Variants in YBX1 observed in about 807,000 individuals in gnomAD.
YBX1 encodes the protein Y-box binding protein 1.
Under a neutral mutation model 41.4 loss-of-function variants are expected in YBX1, and 3 were observed. The ratio of observed to expected loss-of-function variants is 0.07; its 90% CI spans 0.03 to 0.19. The LOEUF is 0.19. Among genes scored for constraint, YBX1 ranks in the 10% least tolerant of loss-of-function variants. The pLI is 1.00. For missense variants in YBX1, 274 were observed against 462.8 expected, an observed-to-expected ratio of 0.59 and a Z score of 3.74; for synonymous variants, 133 against 165.8, an observed-to-expected ratio of 0.80 and a Z score of 1.52.
rs146181434 is a variant in YBX1, at chr1:42,702,769, C to T, written c.*820C>T. Among the ~76,000 whole-genome samples the T allele has an allele frequency of 6.6e-6, 1 of 152,340 alleles. No homozygotes were observed. Among genetic ancestry groups the T allele is most frequent in the Non-Finnish European group, 1.5e-5 (1 of 68,022 alleles). On this transcript the variant is annotated 3_prime_UTR_variant, in exon 8 of 8. Coordinates refer to ENST00000321358, the MANE Select transcript of YBX1 (RefSeq NM_004559.5). Reference sequence around the variant, plus strand: ...ATTGAAGTGTTAGGACAACCTGTCACACTGCCTGGTGTGGTCATCAAATAT... The same window carrying T: ...ATTGAAGTGTTAGGACAACCTGTCATACTGCCTGGTGTGGTCATCAAATAT...
intron 2 of YBX1, among the ~76,000 whole-genome samples, chr1:42,683,992 C>T (rs546595578): frequency 4.2e-4 from 64 of 152,288 alleles, no homozygotes; most frequent in African/African-American, 1.4e-3. Flanking sequence ...CTTAGCACAG[C>T]TTTGACCAGA....
chr1:42,689,249 T>C (rs919374096), intron 2 of YBX1, among the ~76,000 whole-genome samples: 3 of 151,998 alleles, frequency 2.0e-5, no homozygotes, highest in Non-Finnish European at 4.4e-5. Context: ...GGGTGTTTAA[T>C]AGAGAAGAAA....
chr1:42,682,781 G>A (rs1650069602), intron 1 of YBX1, 50 bp downstream of exon 1: 4 of 1,159,572 alleles, frequency 3.4e-6, no homozygotes, highest in Admixed American at 4.5e-5. Context: ...GCCCAGCAGC[G>A]GAACCGTTAG....
rs373497308 is a variant in YBX1, at chr1:42,696,781, G to A, written c.494G>A (p.Ser165Asn). The A allele has an allele frequency of 6.2e-7, 1 of 1,613,824 alleles. No homozygotes were observed. Among genetic ancestry groups the A allele is most frequent in the Admixed American group, 1.7e-5 (1 of 60,012 alleles). Reference protein sequence around the residue: ...PRNYQQNYQNSESGEKNEGSE... With the variant: ...PRNYQQNYQNNESGEKNEGSE... ...AATTACCAGCAAAATTACCAGAATA[G>A]TGAGAGTGGGGAAAAGAACGAGGGA... The change falls in exon 5 of 8, where the codon AGT (serine) becomes AAT (asparagine). Residue 165 changes from serine to asparagine, a missense_variant. Around this residue, in one of 3 missense-constraint regions of YBX1, gnomAD observed 187 missense variants for 306.3 expected, o/e 0.61. Transcript: ENST00000321358. This position sits in a 1 kb window ranked among gnomAD's most constrained non-coding sequence, Gnocchi z 5.7.
At chr1:42,683,171 A>T (rs1166611180) in intron 1 of YBX1, 1 of 658,516 alleles carries the variant, frequency 1.5e-6, no homozygotes, top group Non-Finnish European at 2.8e-6. Context: ...CTGCGCACAC[A>T]CCCATCCTGG....
intron 6 of YBX1, among the ~76,000 whole-genome samples, 165 bp from the exon 7 acceptor site, chr1:42,700,616 C>G (rs1056612752): frequency 1.5e-5 from 2 of 130,544 alleles, no homozygotes; most frequent in South Asian, 6.0e-4. Context: ...GCATCCCCCC[C>G]CCCCCAAAAA....
chr1:42,691,392 G>C (rs1309858562), intron 2 of YBX1, among the ~76,000 whole-genome samples: 1 of 152,156 alleles, frequency 6.6e-6, no homozygotes, highest in African/African-American at 2.4e-5. Context: ...GTCTTGCTCT[G>C]TTGCGCAGGA....
At chr1:42,693,443 A>G (rs1351497724) in intron 2 of YBX1, 47 bp from the exon 3 acceptor site, 2 of 1,607,532 alleles carry the variant, frequency 1.2e-6, no homozygotes, top group African/African-American at 2.7e-5. Context: ...TGACAACATG[A>G]GATTTATTTC....
intron 2 of YBX1, among the ~76,000 whole-genome samples, chr1:42,685,569 CA>C (rs1650172967): frequency 6.6e-6 from 1 of 152,126 alleles, no homozygotes; most frequent in African/African-American, 2.4e-5. Context: ...TGTAGTGGAA[CA>C]AATAGACTTG....
At chr1:42,700,457 AGACGT>A (rs1402503215) in intron 6 of YBX1, among the ~76,000 whole-genome samples, 1 of 151,958 alleles carries the variant, frequency 6.6e-6, no homozygotes, top group Non-Finnish European at 1.5e-5. Flanking sequence ...GACATTAATG[AGACGT>A]GGGGGGCTTG....
chr1:42,696,589 T>C lies in YBX1; in HGVS notation c.355-53T>C. ...ATGTTCTGATTTCCTTTTGAAAGTG[T>C]TGAAAGTGTTCTGATTTCCTTTGTC... On this transcript the variant is annotated intron_variant, in intron 4 of 7. Transcript: ENST00000321358. The surrounding 1 kb of genome is among the most constrained non-coding windows in gnomAD (Gnocchi z 5.7). 3 of 1,313,188 alleles carry C rather than the reference T, an allele frequency of 2.3e-6. No individual in the cohort carries two copies. The highest frequency in any genetic ancestry group is 3.0e-6 in the Non-Finnish European group (3 of 1,007,802). 81.3% of individuals were successfully genotyped at this position (1,313,188 alleles called of 1,614,324 possible).
chr1:42,701,395 A>G (rs1170792156), intron 7 of YBX1, among the ~76,000 whole-genome samples: 1 of 152,160 alleles, frequency 6.6e-6, no homozygotes, highest in Non-Finnish European at 1.5e-5. Flanking sequence ...GAAATATGTT[A>G]ATTACATTAT....
At chr1:42,701,129 C>T (rs1650590648) in intron 7 of YBX1, 83 bp downstream of exon 7, 1 of 967,390 alleles carries the variant, frequency 1.0e-6, no homozygotes, top group African/African-American at 1.7e-5. Context: ...GTAGAAAAAC[C>T]TCAGTTCCAT....
rs900935815 is a variant in YBX1, at chr1:42,702,871, GTTGGTGAGC to G, written c.*926_*934del. Among the ~76,000 whole-genome samples the G allele has an allele frequency of 1.3e-5, 2 of 152,184 alleles. No individual in the cohort carries two copies. Among genetic ancestry groups the G allele is most frequent in the African/African-American group, 4.8e-5 (2 of 41,444 alleles). Reference sequence around the variant, plus strand: ...GGGAAAGCTGCTTAGGAACATGGAGGTTGGTGAGCTTGTAATTATGTGGTTCTCAACACC... The same window carrying G: ...GGGAAAGCTGCTTAGGAACATGGAGGTTGTAATTATGTGGTTCTCAACACC... On this transcript the variant is annotated 3_prime_UTR_variant, in exon 8 of 8. Coordinates refer to ENST00000321358, the MANE Select transcript of YBX1 (RefSeq NM_004559.5).
chr1:42,691,924 C>T (rs1650349022), intron 2 of YBX1, among the ~76,000 whole-genome samples: 2 of 152,178 alleles, frequency 1.3e-5, no homozygotes, highest in South Asian at 4.1e-4. Context: ...TGCAGCAGCT[C>T]ACTGTAACCT....
chr1:42,701,187 A>T, intron 7 of YBX1, 141 bp downstream of exon 7: 1 of 665,108 alleles, frequency 1.5e-6, no homozygotes, highest in Non-Finnish European at 2.6e-6. Context: ...CCCTATTCTT[A>T]ATTACCTAAT....
rs889805410 is a variant in YBX1, at chr1:42,703,799, A to G, written c.*1850A>G. Among the ~76,000 whole-genome samples the G allele has an allele frequency of 3.3e-5, 5 of 152,242 alleles. No individual in the cohort carries two copies. Among genetic ancestry groups the G allele is most frequent in the African/African-American group, 1.2e-4 (5 of 41,480 alleles). ...TGTTGCCAACATTAAATGCAGTTTCAACTTAATGATTTTCTGACTTGTGGT... is the reference window on the plus strand; with the variant it reads ...TGTTGCCAACATTAAATGCAGTTTCGACTTAATGATTTTCTGACTTGTGGT... On this transcript the variant is annotated 3_prime_UTR_variant, in exon 8 of 8. Transcript: ENST00000321358.
At chr1:42,701,102 GT>G in intron 7 of YBX1, 56 bp downstream of exon 7, 1 of 1,338,462 alleles carries the variant, frequency 7.5e-7, no homozygotes. Context: ...TGACCATTTC[GT>G]TTTATTAATG....
chr1:42,686,557 G>T (rs1268551847), intron 2 of YBX1, among the ~76,000 whole-genome samples: 2 of 152,162 alleles, frequency 1.3e-5, no homozygotes, highest in East Asian at 3.9e-4. Flanking sequence ...GGTCTAGGAA[G>T]ATGTAATAAA....
Sources: gnomAD v4.1 joint callset for allele counts (sites outside exome capture counted in the v4.1 genomes callset) on GRCh38, gnomAD v4.1.1 for gene constraint, gnomAD v4.1.1 regional missense constraint, Gnocchi (gnomAD v3.1) non-coding constraint, MANE v1.5 for transcripts, NCBI Gene and HGNC (gene_info 2026-07-23, HGNC 2026-07-21) for gene names.